Variants in GRM7 observed in about 807,000 individuals in gnomAD.
GRM7 encodes metabotropic glutamate receptor 7.
A neutral mutation model predicts 84.5 loss-of-function variants in GRM7; 35 were observed. That is an observed-to-expected ratio of 0.41 (90% confidence interval 0.32 to 0.55). GRM7 has a LOEUF of 0.55. GRM7 is among the 20% of genes least tolerant of loss of function. The probability of loss-of-function intolerance (pLI) is 0.19; values close to 1 mark genes in which losing one functional copy is unlikely to be tolerated. For missense variants in GRM7, 1,003 were observed against 1,194.6 expected, an observed-to-expected ratio of 0.84 and a Z score of 2.36; for synonymous variants, 487 against 455.1, an observed-to-expected ratio of 1.07 and a Z score of -0.89.
At chr3:7,702,598 T>C (rs187364472) in intron 9 of GRM7, among the ~76,000 whole-genome samples, 1 of 152,344 alleles carries the variant, frequency 6.6e-6, no homozygotes, top group African/African-American at 2.4e-5. Context: ...AAACAAAATA[T>C]ACTGCAAGTT....
intron 2 of GRM7, among the ~76,000 whole-genome samples, chr3:7,263,597 G>A (rs944612042): frequency 3.3e-5 from 5 of 152,128 alleles, no homozygotes; most frequent in Non-Finnish European, 4.4e-5. Context: ...AGGGTGGGGC[G>A]CTGGTGGGCA....
chr3:7,670,053 G>C (rs1205073789), intron 8 of GRM7, among the ~76,000 whole-genome samples: 1 of 146,968 alleles, frequency 6.8e-6, no homozygotes, highest in Non-Finnish European at 1.5e-5. Flanking sequence ...AGCTGTTGAA[G>C]TGATTTGCCC....
chr3:7,622,096 G>C (rs1697387867), intron 8 of GRM7, among the ~76,000 whole-genome samples: 1 of 152,150 alleles, frequency 6.6e-6, no homozygotes, highest in Non-Finnish European at 1.5e-5. Flanking sequence ...GACTTGGAAA[G>C]GCAAAATGAT....
At chr3:7,104,026 ATGTGAAGACATTTGGAGATGGTACC>A (rs1699214014) in intron 1 of GRM7, among the ~76,000 whole-genome samples, 1 of 151,526 alleles carries the variant, frequency 6.6e-6, no homozygotes, top group Admixed American at 6.6e-5. Context: ...CTAAACCCCA[ATGTGAAGACATTTGGAGATGGTACC>A]TTTGGGAGAT....
chr3:7,331,895 T>C (rs112346357), intron 4 of GRM7, among the ~76,000 whole-genome samples: 111 of 152,228 alleles, frequency 7.3e-4, no homozygotes, highest in African/African-American at 2.5e-3. Flanking sequence ...AGTTTGACAC[T>C]GAGAAGTAGC....
intron 2 of GRM7, among the ~76,000 whole-genome samples, chr3:7,177,904 A>G (rs1695208807): frequency 2.0e-5 from 3 of 152,190 alleles, no homozygotes; most frequent in African/African-American, 7.2e-5. Context: ...TTCAATAGTA[A>G]TGTTCACTGC....
At chr3:7,118,611 T>TAA (rs139030304) in intron 1 of GRM7, among the ~76,000 whole-genome samples, 6 of 148,836 alleles carry the variant, frequency 4.0e-5, no homozygotes, top group African/African-American at 7.4e-5. Flanking sequence ...CAATTTCTGC[T>TAA]AAAAAAAAAG....
chr3:7,077,263 C>T (rs539969843), intron 1 of GRM7, among the ~76,000 whole-genome samples: 1 of 152,256 alleles, frequency 6.6e-6, no homozygotes, highest in Admixed American at 6.5e-5. Context: ...ACTGTAAGGA[C>T]ACATACACAC....
intron 1 of GRM7, among the ~76,000 whole-genome samples, chr3:7,118,109 G>C (rs1397132052): frequency 1.3e-5 from 2 of 152,112 alleles, no homozygotes; most frequent in Non-Finnish European, 2.9e-5. Context: ...AAGAAGGCTG[G>C]GTATGGTGGC....
intron 4 of GRM7, among the ~76,000 whole-genome samples, chr3:7,311,792 A>C (rs1304922037): frequency 2.0e-5 from 3 of 151,966 alleles, no homozygotes; most frequent in African/African-American, 7.3e-5. Context: ...ACAGGGTTTC[A>C]CCATGTTGGC....
intron 4 of GRM7, among the ~76,000 whole-genome samples, chr3:7,399,465 A>G (rs545058387): frequency 8.5e-5 from 13 of 152,274 alleles, no homozygotes; most frequent in African/African-American, 3.1e-4. Flanking sequence ...TTCCTCCGGT[A>G]ATGAGCAAAT....
At chr3:7,612,703 T>C (rs1295618534) in intron 8 of GRM7, among the ~76,000 whole-genome samples, 1 of 152,140 alleles carries the variant, frequency 6.6e-6, no homozygotes, top group African/African-American at 2.4e-5. Context: ...GAAGGATAAC[T>C]AGTAAAGATT....
intron 1 of GRM7, among the ~76,000 whole-genome samples, chr3:6,997,846 T>C (rs1305014538): frequency 6.6e-6 from 1 of 151,724 alleles, no homozygotes; most frequent in African/African-American, 2.4e-5. Flanking sequence ...CAAAAGCAAG[T>C]TAGGGCCAGG....
chr3:7,265,670 G>T (rs1056773303), intron 2 of GRM7, among the ~76,000 whole-genome samples: 2 of 152,154 alleles, frequency 1.3e-5, no homozygotes, highest in African/African-American at 4.8e-5. Context: ...GAATGAATGT[G>T]GGGAGGGTGG....
chr3:7,516,476 CAAAAAAAAAAAAAAAAAA>C (rs34508559), intron 7 of GRM7, among the ~76,000 whole-genome samples: 2 of 42,470 alleles, frequency 4.7e-5, no homozygotes, highest in African/African-American at 6.9e-5. Context: ...GACTCCCTCT[CAAAAAAAAAAAAAAAAAA>C]AAAAAAAAAA....
chr3:7,248,686 G>A (rs1697865515), intron 2 of GRM7, among the ~76,000 whole-genome samples: 1 of 152,046 alleles, frequency 6.6e-6, no homozygotes, highest in African/African-American at 2.4e-5. Context: ...TTTGAGTTCT[G>A]GATCCAGATT....
intron 1 of GRM7, among the ~76,000 whole-genome samples, chr3:6,935,564 GC>G (rs1429497437): frequency 1.3e-5 from 2 of 151,644 alleles, no homozygotes; most frequent in Non-Finnish European, 2.9e-5. Flanking sequence ...ACAGATCTGA[GC>G]CTTTTACATA....
At chr3:7,726,667 G>GTATATATATATATATT (rs1575674187) in intron 9 of GRM7, among the ~76,000 whole-genome samples, 1 of 50,444 alleles carries the variant, frequency 2.0e-5, no homozygotes, top group Non-Finnish European at 3.7e-5. Flanking sequence ...ATATATATAG[G>GTATATATATATATATT]TTTTCCCCAT....
chr3:6,949,992 T>C (rs951383008), intron 1 of GRM7, among the ~76,000 whole-genome samples: 6 of 152,228 alleles, frequency 3.9e-5, no homozygotes, highest in African/African-American at 1.4e-4. Context: ...TTCTTTGCCG[T>C]TGGTTCGAAC....
Sources: allele counts gnomAD v4.1 joint callset (sites outside exome capture counted in the v4.1 genomes callset), GRCh38; gene constraint gnomAD v4.1.1; transcripts MANE v1.5; gene names NCBI Gene and HGNC (gene_info 2026-07-23, HGNC 2026-07-21).